The following MBD3 variants were observed in gnomAD, a reference collection of about 807,000 sequenced individuals.
MBD3 encodes the protein methyl-CpG binding domain protein 3.
MBD3 carries 13 observed loss-of-function variants against 31.2 expected under a neutral mutation model. The ratio of observed to expected loss-of-function variants is 0.42; its 90% confidence interval spans 0.27 to 0.66. The LOEUF is 0.66. MBD3 is among the 30% of genes least tolerant of loss of function. The probability of loss-of-function intolerance (pLI) is 0.26; values close to 1 mark genes in which losing one functional copy is unlikely to be tolerated. For synonymous variants in MBD3, 223 were observed against 187.4 expected (o/e 1.19, Z -1.55); for missense variants, 440 against 426.5 (o/e 1.03, Z -0.28).
Position 1,585,575 on chromosome 19 carries a change from T to G in MBD3, c.111-361A>C, listed in dbSNP as rs754919166. ...GGTCCCCTCTGAATCCTCCCCACCG[T>G]AGGCCCTGGCAGCGTCAGGCACAGC... On this transcript the variant is annotated intron_variant, in intron 1 of 6. Coordinates refer to ENST00000434436, the MANE Select transcript of MBD3 (RefSeq NM_001281453.2). The surrounding 1 kb of genome is among the most constrained non-coding windows in gnomAD (Gnocchi z 4.1). 2 of 300,174 alleles carry G rather than the reference T, an allele frequency of 6.7e-6. No homozygotes were observed. The highest frequency in any genetic ancestry group is 8.6e-5 in the East Asian group (1 of 11,566). 18.6% of individuals were successfully genotyped at this position (300,174 alleles called of 1,614,324 possible).
chr19:1,584,489 A>G, intron 3 of MBD3, 51 bp downstream of exon 3: 3 of 1,607,052 alleles, frequency 1.9e-6, no homozygotes, highest in African/African-American at 1.3e-5. Flanking sequence ...TCCACCCACC[A>G]AAGTGAACAA....
chr19:1,575,048 C>T lies in MBD3; in HGVS notation c.*3116G>A, dbSNP rs1040895393. 21 of 364,274 alleles carry T rather than the reference C, an allele frequency of 5.8e-5. No individual in the cohort carries two copies. Among genetic ancestry groups the T allele is most frequent in the Non-Finnish European group, 1.1e-4 (20 of 178,730 alleles). 22.6% of individuals were successfully genotyped at this position (364,274 alleles called of 1,614,324 possible). On this transcript the variant is annotated 3_prime_UTR_variant, in exon 7 of 7. Transcript: ENST00000434436. Reference sequence around the variant, plus strand: ...TCCTCGCCACGGGGGTCCTGAGCCTCTCCTCCCTGGTACCCTCTGTGGCGG... The same window carrying T: ...TCCTCGCCACGGGGGTCCTGAGCCTTTCCTCCCTGGTACCCTCTGTGGCGG...
intron 5 of MBD3, among the ~76,000 whole-genome samples, chr19:1,579,377 T>TG (rs1917295700): frequency 6.6e-6 from 1 of 151,518 alleles, no homozygotes. Context: ...CCACCAGGGA[T>TG]GGGGGGCCTC....
In MBD3 at chr19:1,581,114, T is replaced by C; in HGVS notation, c.655A>G (p.Met219Val). The change falls in exon 5 of 7, where the codon ATG becomes GTG. Residue 219 changes from methionine to valine, a missense_variant. Physicochemically the swap from Met to Val is conservative, Grantham distance 21 (BLOSUM62 1). Coordinates refer to ENST00000434436, the MANE Select transcript of MBD3 (RefSeq NM_001281453.2). ...TACCTGATGTCCTCGTCGGTCACCA[T>C]GAAGGCTTTGCACAGGGGCTGCGTG... ...NTTQPLCKAF[M>V]VTDEDIRKQE... The C allele has an allele frequency of 6.2e-7, 1 of 1,614,160 alleles. No homozygotes were observed.
chr19:1,586,153 G>T (rs563298193), intron 1 of MBD3: 1 of 152,340 alleles, frequency 6.6e-6, no homozygotes, highest in Non-Finnish European at 1.5e-5. Flanking sequence ...CCACTCTTAG[G>T]TATCTGCCCG....
intron 1 of MBD3, among the ~76,000 whole-genome samples, chr19:1,588,779 CAAAAAAAA>C (rs750933978): frequency 1.8e-5 from 1 of 54,950 alleles, no homozygotes; most frequent in Non-Finnish European, 3.4e-5. Flanking sequence ...ACTGTGTCTC[CAAAAAAAA>C]AAAAAAAAAA....
intron 3 of MBD3, 102 bp downstream of exon 3, chr19:1,584,438 C>A: frequency 6.5e-7 from 1 of 1,529,182 alleles, no homozygotes; most frequent in Non-Finnish European, 8.9e-7. Context: ...GGAACTCCTG[C>A]GCTCACTACG....
intron 1 of MBD3, among the ~76,000 whole-genome samples, chr19:1,586,754 C>G (rs2060681169): frequency 6.7e-6 from 1 of 150,368 alleles, no homozygotes; most frequent in South Asian, 2.1e-4. Flanking sequence ...GCAACCTCCA[C>G]CTCCCAGGTT....
intron 3 of MBD3, among the ~76,000 whole-genome samples, chr19:1,584,261 G>T (rs911116796): frequency 2.0e-5 from 3 of 152,230 alleles, no homozygotes; most frequent in East Asian, 1.9e-4. Context: ...TCTGCCCCCA[G>T]GCTGGAGTGC....
chr19:1,584,787 C>A, intron 2 of MBD3, 110 bp from the exon 3 acceptor site: 1 of 1,179,094 alleles, frequency 8.5e-7, no homozygotes. Flanking sequence ...CCTCGTGTCC[C>A]CCGCGCCCGC....
In MBD3 at chr19:1,584,720, G is replaced by A. The variant is rs370031985; in HGVS notation, c.271-43C>T. 1.6e-5 allele frequency: 26 copies of A among 1,590,568 alleles called. No homozygotes were observed. The East Asian group carries it at 2.0e-4, about 12-fold the overall frequency. ...TGCAGTCCGGCCTGGGGGCGCCCCG[G>A]CGGCGCGGAGCCTCAGGGGGTGCGG... On this transcript the variant is annotated intron_variant, in intron 2 of 6. Transcript: ENST00000434436.
At chr19:1,582,761 C>G in intron 3 of MBD3, 49 bp from the exon 4 acceptor site, 1 of 1,530,482 alleles carries the variant, frequency 6.5e-7, no homozygotes. Context: ...GCCCTCTCCC[C>G]ACTCCAGGTC....
chr19:1,581,357 T>A (rs1405156374), intron 4 of MBD3, 88 bp from the exon 5 acceptor site: 4 of 1,365,886 alleles, frequency 2.9e-6, no homozygotes, highest in Non-Finnish European at 4.0e-6. Flanking sequence ...GCCCCAAGAA[T>A]GGGAGCTGCC....
At chr19:1,591,834 G>C (rs2060705086) in intron 1 of MBD3, among the ~76,000 whole-genome samples, 1 of 151,868 alleles carries the variant, frequency 6.6e-6, no homozygotes, top group African/African-American at 2.4e-5. Flanking sequence ...ATTTGGGGAC[G>C]GGGGGGTCTC....
At chr19:1,580,275 T>C (rs1599340289) in intron 5 of MBD3, among the ~76,000 whole-genome samples, 2 of 152,304 alleles carry the variant, frequency 1.3e-5, no homozygotes, top group South Asian at 4.1e-4. Context: ...GATGGAACCC[T>C]TGGCGCCCAC....
intron 3 of MBD3, among the ~76,000 whole-genome samples, chr19:1,584,111 C>T (rs2060666202): frequency 6.6e-6 from 1 of 152,172 alleles, no homozygotes; most frequent in Non-Finnish European, 1.5e-5. Flanking sequence ...AGGCGTGAGT[C>T]ACCGCGTGAG....
intron 4 of MBD3, chr19:1,581,472 G>T (rs577854528): frequency 2.1e-5 from 13 of 628,178 alleles, no homozygotes; most frequent in Admixed American, 5.0e-5. Context: ...GCCAGGCGTG[G>T]CGACTCCCGC....
chr19:1,575,209 C>A lies in MBD3; in HGVS notation c.*2955G>T. ...ATTTGGGAAGCTGGGGCGGGCGGATCACCTGAGGTTAGGAGTTCCAGACCA... is the reference window on the plus strand; with the variant it reads ...ATTTGGGAAGCTGGGGCGGGCGGATAACCTGAGGTTAGGAGTTCCAGACCA... On this transcript the variant is annotated 3_prime_UTR_variant, in exon 7 of 7. Coordinates refer to ENST00000434436, the MANE Select transcript of MBD3 (RefSeq NM_001281453.2). The A allele has an allele frequency of 2.3e-6, 1 of 434,186 alleles. No homozygotes were observed. The highest frequency in any genetic ancestry group is 4.7e-6 in the Non-Finnish European group (1 of 212,412). 26.9% of individuals were successfully genotyped at this position (434,186 alleles called of 1,614,324 possible).
chr19:1,580,092 C>T lies in MBD3; in HGVS notation c.677+1000G>A, dbSNP rs78728783. On this transcript the variant is annotated intron_variant, in intron 5 of 6. Coordinates refer to ENST00000434436, the MANE Select transcript of MBD3 (RefSeq NM_001281453.2). ...CAAGTTCTGCAGGGCTTTTAATGAT[C>T]TGTCTGCTATTTTTCACAGTCTTGT... 3.3e-3 allele frequency among the ~76,000 whole-genome samples: 500 copies of T among 152,360 alleles called. 3 individuals carry two copies. Among genetic ancestry groups the T allele is most frequent in the African/African-American group, 0.011 (471 of 41,584 alleles).
Sources: gnomAD v4.1 joint callset for allele counts (sites outside exome capture counted in the v4.1 genomes callset) on GRCh38, gnomAD v4.1.1 for gene constraint, Gnocchi (gnomAD v3.1) non-coding constraint, MANE v1.5 for transcripts, NCBI Gene and HGNC (gene_info 2026-07-23, HGNC 2026-07-21) for gene names.